CNTN1: variants seen among roughly 807,000 people sequenced by gnomAD.
The protein encoded by CNTN1 is contactin 1.
A neutral mutation model predicts 126.4 loss-of-function variants in CNTN1; 38 were observed. That is an observed-to-expected ratio of 0.30 (90% CI 0.23 to 0.39). CNTN1 has a LOEUF of 0.39. CNTN1 is among the 10% of genes least tolerant of loss of function. CNTN1 has a pLI of 1.00. For missense variants in CNTN1, 1,009 were observed against 1,248.4 expected (o/e 0.81, Z 2.89); for synonymous variants, 413 against 422.6 (o/e 0.98, Z 0.28).
At chr12:41,017,593 G>T (rs1037254694) in intron 19 of CNTN1, among the ~76,000 whole-genome samples, 21 of 152,020 alleles carry the variant, frequency 1.4e-4, no homozygotes, top group African/African-American at 4.8e-4. Flanking sequence ...GGAAAAATTT[G>T]TCCTGTAGGG....
chr12:41,033,204 T>C lies in CNTN1; in HGVS notation c.2980+3985T>C, dbSNP rs114978721. Among the ~76,000 whole-genome samples the C allele has an allele frequency of 7.7e-3, 1,172 of 152,344 alleles. 10 individuals are homozygous for C. Among genetic ancestry groups the C allele is most frequent in the African/African-American group, 0.027 (1,123 of 41,584 alleles). ...CTTTAATAACTTATTCCTTATTGAA[T>C]ATTTGTAGTGCATATCAAGGCAAAT... On this transcript the variant is annotated intron_variant, in intron 23 of 23. Coordinates refer to ENST00000551295, the MANE Select transcript of CNTN1 (RefSeq NM_001843.4).
chr12:41,042,534 A>G (rs1949439751), intron 23 of CNTN1, among the ~76,000 whole-genome samples: 2 of 151,970 alleles, frequency 1.3e-5, no homozygotes, highest in African/African-American at 4.8e-5. Flanking sequence ...GTCTCCCATT[A>G]TTATTGTGTG....
At chr12:40,948,222 T>G (rs1037960541) in intron 14 of CNTN1, among the ~76,000 whole-genome samples, 1 of 151,258 alleles carries the variant, frequency 6.6e-6, no homozygotes, top group Non-Finnish European at 1.5e-5. Flanking sequence ...CCATTGGAAA[T>G]TCCAGAAGCT....
chr12:40,710,412 A>G (rs536639513), intron 1 of CNTN1, among the ~76,000 whole-genome samples: 2 of 152,276 alleles, frequency 1.3e-5, no homozygotes, highest in Admixed American at 6.5e-5. Context: ...ACAGATCACC[A>G]TAACACATAT....
chr12:40,990,123 A>G (rs1237328109), intron 16 of CNTN1, among the ~76,000 whole-genome samples: 1 of 152,162 alleles, frequency 6.6e-6, no homozygotes, highest in Admixed American at 6.5e-5. Context: ...GGTTTTATTG[A>G]GGGGATATTA....
chr12:41,064,579 C>T (rs982724360), intron 23 of CNTN1, among the ~76,000 whole-genome samples: 3 of 152,160 alleles, frequency 2.0e-5, no homozygotes, highest in Non-Finnish European at 4.4e-5. Flanking sequence ...CCGTGATAAG[C>T]AGAGTCCCAC....
intron 1 of CNTN1, among the ~76,000 whole-genome samples, chr12:40,854,294 G>C (rs1231203623): frequency 6.6e-6 from 1 of 152,010 alleles, no homozygotes; most frequent in Non-Finnish European, 1.5e-5. Flanking sequence ...GAGTGGGAGA[G>C]AATTTAGATG....
intron 1 of CNTN1, among the ~76,000 whole-genome samples, chr12:40,849,234 C>G (rs925791072): frequency 2.0e-5 from 3 of 152,052 alleles, no homozygotes; most frequent in South Asian, 2.1e-4. Context: ...TGCTTATAAT[C>G]TTTACACTTA....
At chr12:40,829,854 A>C (rs1243394774) in intron 1 of CNTN1, among the ~76,000 whole-genome samples, 1 of 152,122 alleles carries the variant, frequency 6.6e-6, no homozygotes, top group Non-Finnish European at 1.5e-5. Context: ...AATAAAATGG[A>C]ATCTAGAGGA....
At chr12:41,059,646 AT>A (rs1949897815) in intron 23 of CNTN1, among the ~76,000 whole-genome samples, 1 of 152,130 alleles carries the variant, frequency 6.6e-6, no homozygotes, top group Non-Finnish European at 1.5e-5. Flanking sequence ...CTTTAACTGT[AT>A]CTTATAAGAA....
At chr12:40,960,391 G>A (rs912699849) in intron 15 of CNTN1, among the ~76,000 whole-genome samples, 2 of 151,794 alleles carry the variant, frequency 1.3e-5, no homozygotes, top group African/African-American at 4.8e-5. Context: ...CAGATAAATT[G>A]GCAATAAAAT....
intron 1 of CNTN1, among the ~76,000 whole-genome samples, chr12:40,707,038 GCGCTTGCGCACACACACACACACA>G (rs1941763976): frequency 9.6e-6 from 1 of 103,854 alleles, no homozygotes; most frequent in Non-Finnish European, 2.1e-5. Flanking sequence ...GTGCGCGCGC[GCGCTTGCGCACACACACACACACA>G]CACACACACA....
chr12:40,845,845 T>C (rs568328520), intron 1 of CNTN1, among the ~76,000 whole-genome samples: 4 of 152,238 alleles, frequency 2.6e-5, no homozygotes, highest in South Asian at 2.1e-4. Context: ...TGTTCCCGAA[T>C]TGTAGCCTTT....
chr12:40,846,058 T>C (rs778517083), intron 1 of CNTN1, among the ~76,000 whole-genome samples: 1 of 152,012 alleles, frequency 6.6e-6, no homozygotes, highest in Non-Finnish European at 1.5e-5. Context: ...AGTTTATAGG[T>C]GATAAAAAAT....
intron 1 of CNTN1, among the ~76,000 whole-genome samples, chr12:40,792,623 G>T (rs954716351): frequency 6.6e-6 from 1 of 152,074 alleles, no homozygotes; most frequent in Admixed American, 6.6e-5. Context: ...ATAAATTCTT[G>T]ATTTTCAAAG....
intron 1 of CNTN1, among the ~76,000 whole-genome samples, chr12:40,852,582 A>G (rs900416983): frequency 3.2e-4 from 49 of 151,862 alleles, no homozygotes; most frequent in African/African-American, 1.2e-3. Flanking sequence ...CATTTTTCCC[A>G]CTACTAAAAT....
At chr12:40,715,286 G>A (rs983933727) in intron 1 of CNTN1, among the ~76,000 whole-genome samples, 10 of 152,040 alleles carry the variant, frequency 6.6e-5, no homozygotes, top group Non-Finnish European at 4.4e-5. Flanking sequence ...GGGTACCACT[G>A]CCCTAAGTAG....
intron 20 of CNTN1, among the ~76,000 whole-genome samples, chr12:41,022,716 AC>A (rs35551669): frequency 6.6e-6 from 1 of 152,142 alleles, no homozygotes; most frequent in Admixed American, 6.6e-5. Flanking sequence ...AATCCACACA[AC>A]CCTAGAGGAT....
intron 1 of CNTN1, among the ~76,000 whole-genome samples, chr12:40,713,220 CTT>C (rs61488919): frequency 2.8e-5 from 4 of 142,300 alleles, no homozygotes; most frequent in African/African-American, 2.6e-5. Context: ...TATATCATGG[CTT>C]TTTTTTTTTT....
Sources: allele counts gnomAD v4.1 joint callset (sites outside exome capture counted in the v4.1 genomes callset), GRCh38; gene constraint gnomAD v4.1.1; transcripts MANE v1.5; gene names NCBI Gene and HGNC (gene_info 2026-07-23, HGNC 2026-07-21).